RBM6: variants seen among roughly 807,000 people sequenced by gnomAD.
RBM6 encodes RNA-binding protein 6.
RBM6 carries 23 observed loss-of-function variants against 140.4 expected under a neutral mutation model. The observed-to-expected ratio is 0.16, with a 90% CI of 0.12 to 0.23. The LOEUF is 0.23. RBM6 is among the 10% of genes least tolerant of loss of function. The pLI is 1.00. For synonymous variants in RBM6, 439 were observed against 475.6 expected (o/e 0.92, Z 1.00); for missense variants, 1,139 against 1,386.7 (o/e 0.82, Z 2.84).
chr3:50,062,892 CTTT>C (rs36101209), intron 15 of RBM6, among the ~76,000 whole-genome samples: 2 of 128,482 alleles, frequency 1.6e-5, no homozygotes, highest in Admixed American at 8.4e-5. Context: ...TTTCTTTTTC[CTTT>C]TTTTTTTTTT....
At chr3:49,940,943 A>ACCGT (rs1361626961) in intron 1 of RBM6, 21 of 146,078 alleles carry the variant, frequency 1.4e-4, no homozygotes, top group African/African-American at 5.3e-4. Flanking sequence ...GGGTACATAA[A>ACCGT]CCGTGAGCGT....
chr3:50,036,178 A>C (rs1203045025), intron 6 of RBM6, among the ~76,000 whole-genome samples: 1 of 152,228 alleles, frequency 6.6e-6, no homozygotes, highest in Admixed American at 6.5e-5. Flanking sequence ...TACAGGCATG[A>C]GCCACTGCGC....
chr3:49,950,701 G>C (rs781033147), intron 1 of RBM6, among the ~76,000 whole-genome samples: 3 of 151,846 alleles, frequency 2.0e-5, no homozygotes, highest in Non-Finnish European at 4.4e-5. Context: ...GTTGCAGTAA[G>C]CTGAGATCAT....
intron 1 of RBM6, among the ~76,000 whole-genome samples, chr3:49,954,673 T>G (rs955222225): frequency 2.0e-5 from 3 of 152,210 alleles, no homozygotes; most frequent in Non-Finnish European, 4.4e-5. Flanking sequence ...TGTGGTGAGT[T>G]TTGGAATTGG....
chr3:50,044,014 G>T (rs2089083336), intron 6 of RBM6, among the ~76,000 whole-genome samples: 1 of 151,988 alleles, frequency 6.6e-6, no homozygotes, highest in South Asian at 2.1e-4. Flanking sequence ...CCGACTGGCT[G>T]GGACTGCAGG....
At chr3:49,969,489 G>A (rs996661656) in intron 3 of RBM6, among the ~76,000 whole-genome samples, 2 of 145,850 alleles carry the variant, frequency 1.4e-5, no homozygotes, top group South Asian at 2.1e-4. Context: ...GAATATATAT[G>A]TATATATATG....
intron 5 of RBM6, among the ~76,000 whole-genome samples, chr3:49,984,172 T>A (rs573047523): frequency 1.3e-5 from 2 of 152,126 alleles, no homozygotes; most frequent in African/African-American, 4.8e-5. Flanking sequence ...TGGTGCATGC[T>A]TGTAGTCCCA....
Position 49,967,507 on chromosome 3 carries a change from A to G in RBM6, c.82A>G (p.Arg28Gly), listed in dbSNP as rs548662485. ...QEERFAPGWN[R>G]DYPPPPLKSH... The stretch of plus-strand genomic sequence containing the variant: ...AGAAAGGTTTGCTCCCGGGTGGAAC[A>G]GGGATTATCCTCCTCCTCCCCTTAA... The change falls in exon 3 of 21, where the codon AGG (arginine) becomes GGG (glycine). Residue 28 changes from arginine (R) to glycine (G), a missense_variant. Coordinates refer to ENST00000266022, the MANE Select transcript of RBM6 (RefSeq NM_005777.3). This position sits in a 1 kb window ranked among gnomAD's most constrained non-coding sequence, Gnocchi z 4.0. 6.2e-7 allele frequency: 1 copy of G among 1,614,108 alleles called. No individual in the cohort carries two copies. Among genetic ancestry groups the G allele is most frequent in the South Asian group, 1.1e-5 (1 of 91,080 alleles).
chr3:49,970,064 C>T (rs1004437448), intron 3 of RBM6, among the ~76,000 whole-genome samples: 4 of 152,260 alleles, frequency 2.6e-5, no homozygotes, highest in Admixed American at 2.6e-4. Flanking sequence ...CCTCAGCCTC[C>T]TGAGTAGTTG....
chr3:49,983,380 T>C (rs2085399081), intron 5 of RBM6, among the ~76,000 whole-genome samples: 1 of 151,814 alleles, frequency 6.6e-6, no homozygotes, highest in African/African-American at 2.4e-5. Context: ...TAGTCTTAGC[T>C]ACTCAACAGT....
At chr3:50,011,234 G>C (rs1399577793) in intron 6 of RBM6, among the ~76,000 whole-genome samples, 1 of 151,768 alleles carries the variant, frequency 6.6e-6, no homozygotes, top group Non-Finnish European at 1.5e-5. Flanking sequence ...AAAAAAAAAG[G>C]CATGAAGAAT....
At chr3:50,027,323 A>G (rs116363761) in intron 6 of RBM6, among the ~76,000 whole-genome samples, 7 of 152,110 alleles carry the variant, frequency 4.6e-5, no homozygotes, top group Admixed American at 6.6e-5. Context: ...TTGTTGTGTT[A>G]TATTTGTTGT....
chr3:49,960,167 C>G (rs140282432), intron 1 of RBM6, among the ~76,000 whole-genome samples: 2 of 152,042 alleles, frequency 1.3e-5, no homozygotes, highest in South Asian at 2.1e-4. Context: ...CAGATATGTA[C>G]GATAATTTGC....
intron 17 of RBM6, among the ~76,000 whole-genome samples, chr3:50,067,216 G>T (rs959369523): frequency 7.5e-6 from 1 of 132,692 alleles, no homozygotes; most frequent in East Asian, 2.3e-4. Flanking sequence ...AAAAAAAGCC[G>T]CAGCAGCTTA....
intron 3 of RBM6, 32 bp from the exon 4 acceptor site, chr3:49,972,026 AT>A: frequency 6.7e-7 from 1 of 1,486,962 alleles, no homozygotes; most frequent in Non-Finnish European, 9.3e-7. Context: ...AGTAAAGTAT[AT>A]TTGTGAAATA....
At chr3:50,026,634 C>CAA (rs1202838550) in intron 6 of RBM6, among the ~76,000 whole-genome samples, 3 of 110,524 alleles carry the variant, frequency 2.7e-5, no homozygotes, top group Non-Finnish European at 3.8e-5. Flanking sequence ...CTCTGTCTCT[C>CAA]AAAAAAAAAA....
At chr3:49,986,222 G>T (rs1487384325) in intron 5 of RBM6, among the ~76,000 whole-genome samples, 1 of 149,462 alleles carries the variant, frequency 6.7e-6, no homozygotes, top group Non-Finnish European at 1.5e-5. Flanking sequence ...TTAAACTCCT[G>T]ACCTCAAGTG....
chr3:49,968,842 G>A, intron 3 of RBM6, 94 bp downstream of exon 3: 2 of 1,362,890 alleles, frequency 1.5e-6, no homozygotes, highest in South Asian at 1.6e-5. Flanking sequence ...GTGCAGTGGT[G>A]CGATCTCTGC....
intron 1 of RBM6, among the ~76,000 whole-genome samples, chr3:49,954,283 T>TA (rs1243429936): frequency 6.6e-6 from 1 of 151,350 alleles, no homozygotes; most frequent in Non-Finnish European, 1.5e-5. Context: ...ACTAAAAAAA[T>TA]ACAAAAATTA....
Sources: gnomAD v4.1 joint callset for allele counts (sites outside exome capture counted in the v4.1 genomes callset) on GRCh38, gnomAD v4.1.1 for gene constraint, Gnocchi (gnomAD v3.1) non-coding constraint, MANE v1.5 for transcripts, NCBI Gene and HGNC (gene_info 2026-07-23, HGNC 2026-07-21) for gene names.